Variants in IGFBP5 observed in about 807,000 individuals in gnomAD.
The protein encoded by IGFBP5 is insulin-like growth factor-binding protein 5.
Under a neutral mutation model 28.0 loss-of-function variants are expected in IGFBP5, and 12 were observed. The ratio of observed to expected loss-of-function variants is 0.43; its 90% confidence interval spans 0.27 to 0.69. The LOEUF is 0.69. IGFBP5 is among the 30% of genes least tolerant of loss of function. The pLI is 0.20. For missense variants in IGFBP5, 344 were observed against 381.6 expected, an observed-to-expected ratio of 0.90 and a Z score of 0.82; for synonymous variants, 152 against 150.2, an observed-to-expected ratio of 1.01 and a Z score of -0.09.
At position 216,692,633 on chromosome 2, in the gene IGFBP5, C is replaced by T. The variant is rs1424809323; in HGVS notation, c.337+1806G>A. On this transcript the variant is annotated intron_variant, in intron 1 of 3. Coordinates refer to ENST00000233813, the MANE Select transcript of IGFBP5 (RefSeq NM_000599.4). This position sits in a 1 kb window ranked among gnomAD's most constrained non-coding sequence, Gnocchi z 4.2. ...TCTCCGCTAGGCTTTTCCAAATCCA[C>T]ATCCCCCAAGATGAAGGCGGGCAGG... Among the ~76,000 whole-genome samples the T allele has an allele frequency of 1.3e-5, 2 of 152,174 alleles. No homozygotes were observed. The highest frequency in any genetic ancestry group is 2.9e-5 in the Non-Finnish European group (2 of 68,022).
rs1235152125 is a variant in IGFBP5 at position 216,694,059 on chromosome 2, G to A, written c.337+380C>T. 6.6e-6 allele frequency among the ~76,000 whole-genome samples: 1 copy of A among 151,988 alleles called. No individual in the cohort carries two copies. Among genetic ancestry groups the A allele is most frequent in the Non-Finnish European group, 1.5e-5 (1 of 67,996 alleles). ...CCAAGTTCAGAAAAAAACCTATGCGGGGCGCGAGGGGGGTGGAGGAGGGAG... is the reference window on the plus strand; with the variant it reads ...CCAAGTTCAGAAAAAAACCTATGCGAGGCGCGAGGGGGGTGGAGGAGGGAG... On this transcript the variant is annotated intron_variant, in intron 1 of 3. Coordinates refer to ENST00000233813, the MANE Select transcript of IGFBP5 (RefSeq NM_000599.4). The surrounding 1 kb of genome is among the most constrained non-coding windows in gnomAD (Gnocchi z 5.2).
intron 1 of IGFBP5, among the ~76,000 whole-genome samples, chr2:216,688,112 A>T (rs985571018): frequency 6.6e-6 from 1 of 152,208 alleles, no homozygotes. Flanking sequence ...ACCACATTTT[A>T]AAATTTATTT....
At position 216,691,363 on chromosome 2, in the gene IGFBP5, G is replaced by A. The variant is rs1429279071; in HGVS notation, c.337+3076C>T. Among the ~76,000 whole-genome samples, 5 of 152,218 alleles carry A rather than the reference G, an allele frequency of 3.3e-5. No homozygotes were observed. The South Asian group carries it at 8.3e-4, about 25-fold the overall frequency. On this transcript the variant is annotated intron_variant, in intron 1 of 3. Transcript: ENST00000233813. ...CACAGAGGAGACCTACCCGAACCCC[G>A]GTATCTATGCTGGGGACCAGCCCAT...
At chr2:216,683,663 T>C (rs1254047741) in intron 1 of IGFBP5, among the ~76,000 whole-genome samples, 1 of 152,152 alleles carries the variant, frequency 6.6e-6, no homozygotes, top group Non-Finnish European at 1.5e-5. Context: ...GCCCATGAGA[T>C]GCTGTTCTGA....
intron 1 of IGFBP5, among the ~76,000 whole-genome samples, chr2:216,684,882 G>A (rs1265782915): frequency 6.6e-6 from 1 of 152,240 alleles, no homozygotes; most frequent in African/African-American, 2.4e-5. Flanking sequence ...AGATAACCCT[G>A]CCGCAGGGCA....
chr2:216,678,457 T>C (rs1178029638), intron 2 of IGFBP5, among the ~76,000 whole-genome samples: 3 of 152,212 alleles, frequency 2.0e-5, no homozygotes, highest in Non-Finnish European at 4.4e-5. Flanking sequence ...CTTTCTCTTT[T>C]GTGTTCCAGT....
chr2:216,676,691 G>A lies in IGFBP5; in HGVS notation c.*60C>T, dbSNP rs767247383. ...GTGGCGTCCTGGGGTGGAGGGAGGC[G>A]CTGGCTGGAGTCGGGGCTGGGGGTG... On this transcript the variant is annotated 3_prime_UTR_variant, in exon 4 of 4. Coordinates refer to ENST00000233813, the MANE Select transcript of IGFBP5 (RefSeq NM_000599.4). 1.0e-4 allele frequency: 119 copies of A among 1,142,494 alleles called. 1 individual carries two copies. Among genetic ancestry groups the A allele is most frequent in the Admixed American group, 2.4e-4 (12 of 49,240 alleles). The allele number at this position is 1,142,494 out of a possible 1,614,324, so 70.8% of individuals were successfully genotyped here.
intron 1 of IGFBP5, among the ~76,000 whole-genome samples, chr2:216,693,001 G>A (rs1287796088): frequency 6.6e-6 from 1 of 152,168 alleles, no homozygotes; most frequent in Admixed American, 6.5e-5. Context: ...AAGGGACAGG[G>A]AGGGAGAAGG....
At chr2:216,684,562 GAAGAT>G (rs1559187648) in intron 1 of IGFBP5, among the ~76,000 whole-genome samples, 1 of 152,138 alleles carries the variant, frequency 6.6e-6, no homozygotes, top group Admixed American at 6.5e-5. Context: ...TTTCTAGACA[GAAGAT>G]AAGATGAGGA....
chr2:216,685,241 A>G (rs1689021058), intron 1 of IGFBP5, among the ~76,000 whole-genome samples: 1 of 151,586 alleles, frequency 6.6e-6, no homozygotes, highest in South Asian at 2.1e-4. Flanking sequence ...AGATCGTGCC[A>G]CTACATTCCC....
At position 216,679,110 on chromosome 2, in the gene IGFBP5, C is replaced by A. The variant is rs1688940156; in HGVS notation, c.338-31G>T. The A allele has an allele frequency of 6.3e-7, 1 of 1,599,042 alleles. No homozygotes were observed. Among genetic ancestry groups the A allele is most frequent in the South Asian group, 1.1e-5 (1 of 90,718 alleles). On this transcript the variant is annotated intron_variant, in intron 1 of 3. Transcript: ENST00000233813. The surrounding 1 kb of genome is among the most constrained non-coding windows in gnomAD (Gnocchi z 4.6). ...GGAGAAGGAGCCGGAGGGTCAGCCC[C>A]CGTGGGCCAAGGTGCACACGGCCAG... is the stretch of plus-strand genomic sequence containing the variant.
At chr2:216,689,009 G>A (rs1689062375) in intron 1 of IGFBP5, among the ~76,000 whole-genome samples, 1 of 152,104 alleles carries the variant, frequency 6.6e-6, no homozygotes, top group African/African-American at 2.4e-5. Context: ...AAGCCAGGGG[G>A]CCCTCATGCT....
chr2:216,692,819 T>C lies in IGFBP5; in HGVS notation c.337+1620A>G, dbSNP rs1490245968. 2.6e-5 allele frequency among the ~76,000 whole-genome samples: 4 copies of C among 152,040 alleles called. No individual in the cohort carries two copies. The highest frequency in any genetic ancestry group is 9.7e-5 in the African/African-American group (4 of 41,406). The stretch of plus-strand genomic sequence containing the variant: ...GGAGATCGACTACCTCTTGCAAAGC[T>C]AGAGGGGCTGGCCCCTGCGCCACTC... On this transcript the variant is annotated intron_variant, in intron 1 of 3. Coordinates refer to ENST00000233813, the MANE Select transcript of IGFBP5 (RefSeq NM_000599.4). The surrounding 1 kb of genome is among the most constrained non-coding windows in gnomAD (Gnocchi z 4.2).
At chr2:216,687,010 A>G (rs1689041038) in intron 1 of IGFBP5, among the ~76,000 whole-genome samples, 1 of 152,172 alleles carries the variant, frequency 6.6e-6, no homozygotes, top group African/African-American at 2.4e-5. Flanking sequence ...CTCTCAGAAC[A>G]GGTCTCTGCC....
intron 1 of IGFBP5, among the ~76,000 whole-genome samples, chr2:216,688,600 G>A (rs568688772): frequency 1.3e-3 from 192 of 152,196 alleles, no homozygotes; most frequent in Admixed American, 5.7e-3. Context: ...GAGGGGTGTC[G>A]CAGTCCCAGT....
chr2:216,682,657 T>G (rs903536527), intron 1 of IGFBP5, among the ~76,000 whole-genome samples: 3 of 151,678 alleles, frequency 2.0e-5, no homozygotes, highest in African/African-American at 7.3e-5. Flanking sequence ...GCAGAGGGCG[T>G]GGGAGACTGA....
chr2:216,693,385 G>A (rs1689124650), intron 1 of IGFBP5, among the ~76,000 whole-genome samples: 1 of 117,756 alleles, frequency 8.5e-6, no homozygotes, highest in South Asian at 3.0e-4. Flanking sequence ...CGTTTCCAGG[G>A]CCCCTCATGC....
chr2:216,692,088 G>A lies in IGFBP5; in HGVS notation c.337+2351C>T, dbSNP rs1689105130. 6.6e-6 allele frequency among the ~76,000 whole-genome samples: 1 copy of A among 152,090 alleles called. No homozygotes were observed. Among genetic ancestry groups the A allele is most frequent in the South Asian group, 2.1e-4 (1 of 4,822 alleles). On this transcript the variant is annotated intron_variant, in intron 1 of 3. Coordinates refer to ENST00000233813, the MANE Select transcript of IGFBP5 (RefSeq NM_000599.4). The surrounding 1 kb of genome is among the most constrained non-coding windows in gnomAD (Gnocchi z 4.2). ...CCAACTTTTTGGGGACCCGCCCAGT[G>A]GTTGTCCGGCTAAAACGCCCTTTCC...
Position 216,678,219 on chromosome 2 carries a change from T to G in IGFBP5, c.580A>C (p.Arg194=). The G allele has an allele frequency of 6.3e-7, 1 of 1,580,458 alleles. No homozygotes were observed. Among genetic ancestry groups the G allele is most frequent in the Non-Finnish European group, 8.6e-7 (1 of 1,160,698 alleles). ...TCCTGCAGGGAAGCCTCCATGTGTC[T>G]GCGGCAGGGGCCCTGTGTGGACAGG... ...RQESEQGPCR[R]HMEASLQELK... The change falls in exon 3 of 4, where the codon AGA becomes CGA. Residue 194 remains arginine (R), a synonymous_variant. Transcript: ENST00000233813.
Sources: allele counts gnomAD v4.1 joint callset (sites outside exome capture counted in the v4.1 genomes callset), GRCh38; gene constraint gnomAD v4.1.1; non-coding constraint Gnocchi (gnomAD v3.1); transcripts MANE v1.5; gene names NCBI Gene and HGNC (gene_info 2026-07-23, HGNC 2026-07-21).